Variants in HERC4 observed in about 807,000 individuals in gnomAD.
The protein encoded by HERC4 is probable E3 ubiquitin-protein ligase HERC4.
HERC4 carries 28 observed loss-of-function variants against 124.3 expected under a neutral mutation model. That is an observed-to-expected ratio of 0.23 (90% CI 0.17 to 0.31). HERC4 has a LOEUF of 0.31. Ranked by LOEUF, HERC4 falls within the 10% of genes least tolerant of loss-of-function variation. The pLI is 1.00. For missense variants in HERC4, 713 were observed against 1,229.3 expected, an observed-to-expected ratio of 0.58 and a Z score of 6.28; for synonymous variants, 407 against 421.5, an observed-to-expected ratio of 0.97 and a Z score of 0.42.
intron 15 of HERC4, among the ~76,000 whole-genome samples, chr10:67,975,844 T>C (rs73263217): frequency 0.013 from 1,919 of 152,302 alleles, 28 homozygotes; most frequent in African/African-American, 0.044. Context: ...TTTTGATTGC[T>C]TTATATCTGT....
At chr10:67,947,536 A>G (rs995233291) in intron 19 of HERC4, among the ~76,000 whole-genome samples, 3 of 152,234 alleles carry the variant, frequency 2.0e-5, no homozygotes, top group African/African-American at 7.2e-5. Flanking sequence ...CACTATCATT[A>G]ATGTATACAA....
intron 21 of HERC4, among the ~76,000 whole-genome samples, chr10:67,937,311 T>G (rs1194198339): frequency 2.6e-5 from 4 of 152,308 alleles, no homozygotes; most frequent in African/African-American, 9.6e-5. Context: ...TAAAAATGTC[T>G]TTGACACCCA....
intron 16 of HERC4, among the ~76,000 whole-genome samples, chr10:67,961,951 T>C (rs1413799613): frequency 2.0e-5 from 3 of 152,152 alleles, no homozygotes; most frequent in African/African-American, 7.2e-5. Context: ...GAGACTGTTC[T>C]GCAAAAAAAC....
intron 7 of HERC4, among the ~76,000 whole-genome samples, chr10:68,026,792 G>A (rs985801379): frequency 1.1e-4 from 16 of 151,860 alleles, no homozygotes; most frequent in Admixed American, 3.3e-4. Context: ...GCAGTGAGCC[G>A]AGATCACGCC....
intron 3 of HERC4, among the ~76,000 whole-genome samples, chr10:68,059,715 A>G (rs1260649869): frequency 3.8e-5 from 2 of 52,070 alleles, no homozygotes; most frequent in South Asian, 1.3e-3. Flanking sequence ...ATATATCATA[A>G]TATTATATAT....
intron 9 of HERC4, among the ~76,000 whole-genome samples, chr10:68,012,205 T>A (rs895175165): frequency 1.3e-5 from 2 of 152,336 alleles, no homozygotes; most frequent in East Asian, 3.9e-4. Context: ...TCTCTCCGTA[T>A]CAGCAATAAG....
chr10:68,055,789 T>A (rs925541170), intron 3 of HERC4, among the ~76,000 whole-genome samples: 3 of 151,906 alleles, frequency 2.0e-5, no homozygotes, highest in African/African-American at 7.3e-5. Context: ...TCTCGCTCTG[T>A]AACCCAGGCT....
At chr10:68,042,418 A>T (rs1322681900) in intron 4 of HERC4, among the ~76,000 whole-genome samples, 1 of 152,236 alleles carries the variant, frequency 6.6e-6, no homozygotes, top group Non-Finnish European at 1.5e-5. Context: ...TGAGTCCAGG[A>T]ATTTAAGACC....
intron 3 of HERC4, among the ~76,000 whole-genome samples, chr10:68,050,939 A>G (rs2040263620): frequency 1.3e-5 from 2 of 152,184 alleles, no homozygotes; most frequent in African/African-American, 4.8e-5. Flanking sequence ...ATGCAAAAAA[A>G]ACTCATGCCA....
chr10:68,036,006 T>C (rs1163829429), intron 5 of HERC4, among the ~76,000 whole-genome samples: 4 of 152,146 alleles, frequency 2.6e-5, no homozygotes, highest in African/African-American at 7.2e-5. Flanking sequence ...GCCTAGTTCA[T>C]ACTAAGGGCT....
intron 3 of HERC4, 70 bp from the exon 4 acceptor site, chr10:68,044,633 T>C: frequency 7.1e-7 from 1 of 1,406,438 alleles, no homozygotes; most frequent in East Asian, 2.3e-5. Flanking sequence ...TGCATTCTAG[T>C]TTTGAACTTC....
intron 3 of HERC4, among the ~76,000 whole-genome samples, chr10:68,064,928 C>T (rs183286235): frequency 1.4e-4 from 21 of 150,456 alleles, no homozygotes; most frequent in East Asian, 3.9e-4. Context: ...GTGGAGATCG[C>T]GCCATGCACT....
chr10:68,005,396 T>C (rs1055206486), intron 9 of HERC4, among the ~76,000 whole-genome samples: 6 of 152,246 alleles, frequency 3.9e-5, no homozygotes, highest in African/African-American at 1.2e-4. Flanking sequence ...AATATCTTTT[T>C]CCATCCCTTT....
At position 68,014,110 on chromosome 10, in the gene HERC4, T is replaced by A; in HGVS notation, c.985A>T (p.Thr329Ser). ...FGLGGNGQLG[T>S]GSTSNRKSPF... ...CTTTTCCTGTTGCTTGTTGAACCGGTTCCCAGCTGCCCATTACCACCAAGC... is the reference window on the plus strand; with the variant it reads ...CTTTTCCTGTTGCTTGTTGAACCGGATCCCAGCTGCCCATTACCACCAAGC... Residue 329 changes from threonine (T) to serine (S), a missense_variant, in exon 9 of 25, where the codon ACC becomes TCC. Thr to Ser is a moderately conservative substitution (Grantham distance 58). Coordinates refer to ENST00000373700, the MANE Select transcript of HERC4 (RefSeq NM_015601.4). 1 of 1,613,746 alleles carries A rather than the reference T, an allele frequency of 6.2e-7. No individual in the cohort carries two copies. The highest frequency in any genetic ancestry group is 8.5e-7 in the Non-Finnish European group (1 of 1,179,778).
chr10:68,057,864 T>C (rs1371151591), intron 3 of HERC4, among the ~76,000 whole-genome samples: 1 of 151,972 alleles, frequency 6.6e-6, no homozygotes. Context: ...CACACCCAGC[T>C]AATTTTTTCT....
chr10:67,929,525 C>T (rs887881191), intron 23 of HERC4, among the ~76,000 whole-genome samples: 3 of 148,574 alleles, frequency 2.0e-5, no homozygotes, highest in African/African-American at 2.6e-5. Flanking sequence ...ATCAATAGTG[C>T]TTTTTTTTCT....
intron 3 of HERC4, among the ~76,000 whole-genome samples, chr10:68,055,560 C>T (rs140377446): frequency 2.1e-3 from 324 of 152,232 alleles, no homozygotes; most frequent in Non-Finnish European, 3.7e-3. Flanking sequence ...ACTTTAATTA[C>T]TTAATCTTAT....
chr10:68,027,556 T>C (rs938617405), intron 7 of HERC4, among the ~76,000 whole-genome samples: 7 of 152,212 alleles, frequency 4.6e-5, no homozygotes, highest in Non-Finnish European at 7.3e-5. Flanking sequence ...AACTAGGCCA[T>C]GTTTAAATCT....
At chr10:68,039,368 G>C in intron 4 of HERC4, 1 of 1,518,374 alleles carries the variant, frequency 6.6e-7, no homozygotes, top group Non-Finnish European at 8.8e-7. Flanking sequence ...GGGATGGGGA[G>C]GTACACAATA....
Sources: gnomAD v4.1 joint callset for allele counts (sites outside exome capture counted in the v4.1 genomes callset) on GRCh38, gnomAD v4.1.1 for gene constraint, MANE v1.5 for transcripts, NCBI Gene and HGNC (gene_info 2026-07-23, HGNC 2026-07-21) for gene names.